Variants in MVB12A observed in about 807,000 individuals in gnomAD.
MVB12A encodes the protein CIN85/CD2AP family binding protein.
In MVB12A, 30 loss-of-function variants were observed where a neutral mutation model predicts 34.3. The ratio of observed to expected loss-of-function variants is 0.88; its 90% confidence interval spans 0.65 to 1.19. MVB12A has a LOEUF of 1.19. Ranked by LOEUF, MVB12A falls within the 50% of genes most tolerant of loss-of-function variation. The pLI is 0.00. For missense variants in MVB12A, 355 were observed against 369.2 expected, an observed-to-expected ratio of 0.96 and a Z score of 0.31; for synonymous variants, 158 against 158.9, an observed-to-expected ratio of 0.99 and a Z score of 0.04.
At chr19:17,415,613 C>T (rs1343074703), upstream of MVB12A, 2 of 152,264 alleles carry the variant, frequency 1.3e-5, no homozygotes, top group Non-Finnish European at 2.9e-5. Context: ...CATTTGAGCT[C>T]CGCTCCCCTT....
At chr19:17,415,087 A>C (rs2074790541), upstream of MVB12A, 2 of 151,564 alleles carry the variant, frequency 1.3e-5, no homozygotes, top group Non-Finnish European at 1.5e-5. Context: ...GGAGGCTGAG[A>C]CAGGAGAATC....
chr19:17,415,247 C>T (rs1329654785), upstream of MVB12A: 2 of 152,204 alleles, frequency 1.3e-5, no homozygotes, highest in South Asian at 2.1e-4. Flanking sequence ...GAAAGCCTGA[C>T]GAACGCCATC....
At chr19:17,421,603 T>C (rs1374866340) in intron 3 of MVB12A, among the ~76,000 whole-genome samples, 1 of 152,166 alleles carries the variant, frequency 6.6e-6, no homozygotes, top group Non-Finnish European at 1.5e-5. Context: ...TTTTTTACAA[T>C]TCCTTAAAAA....
intron 2 of MVB12A, among the ~76,000 whole-genome samples, chr19:17,410,504 A>G (rs377095385): frequency 0.042 from 1,729 of 41,558 alleles, 138 homozygotes; most frequent in African/African-American, 0.11. Flanking sequence ...CTTCATATAT[A>G]TATATATATA....
intron 2 of MVB12A, among the ~76,000 whole-genome samples, chr19:17,410,529 T>TATATATATATATATATATATAC: frequency 2.7e-5 from 2 of 74,444 alleles, no homozygotes; most frequent in Non-Finnish European, 4.9e-5. Context: ...TATATATATA[T>TATATATATATATATATATATAC]ACACACACAC....
chr19:17,407,848 T>G (rs1450944636), intron 2 of MVB12A, among the ~76,000 whole-genome samples: 2 of 152,204 alleles, frequency 1.3e-5, no homozygotes, highest in African/African-American at 2.4e-5. Context: ...AAGTAGTGGG[T>G]GTTGTTCCTT....
chr19:17,421,280 G>GTTCAAGCGA, intron 3 of MVB12A: 1 of 345,358 alleles, frequency 2.9e-6, no homozygotes, highest in East Asian at 8.3e-5. Context: ...CGACTCCCGG[G>GTTCAAGCGA]TTCAAGCGAT....
chr19:17,422,144 A>T, intron 3 of MVB12A, 188 bp from the exon 4 acceptor site: 2 of 490,436 alleles, frequency 4.1e-6, no homozygotes, highest in South Asian at 6.9e-5. Context: ...CGGTTCCTAA[A>T]GGCTGCATGG....
rs1371903182 is a variant in MVB12A, at chr19:17,420,407, T to G, written c.185T>G (p.Leu62Arg). ...YFLCLSSLGS[L>R]ENPQENVVAD... ...CTGTGCCTTAGTTCTCTGGGCAGCC[T>G]AGAGGTAAGAGGTGCCCACCTTCGG... The change falls in exon 2 of 9, where the codon CTA becomes CGA. Residue 62 changes from leucine (L) to arginine (R), a missense_variant. Physicochemically the swap from Leu to Arg is moderately radical, Grantham distance 102. Transcript: ENST00000317040. 33 of 1,613,672 alleles carry G rather than the reference T, an allele frequency of 2.0e-5. No individual in the cohort carries two copies. The highest frequency in any genetic ancestry group is 2.6e-5 in the Non-Finnish European group (31 of 1,179,806).
chr19:17,420,100 G>T lies in MVB12A; in HGVS notation c.-36G>T, dbSNP rs16981816. 28,703 of 1,321,598 alleles carry T rather than the reference G, an allele frequency of 0.022. 356 individuals carry two copies. Among genetic ancestry groups the T allele is most frequent in the African/African-American group, 0.035 (2,248 of 64,528 alleles). The allele number at this position is 1,321,598 out of a possible 1,614,324, so 81.9% of individuals were successfully genotyped here. Reference sequence around the variant, plus strand: ...GAGGCGCTCCGAGGTTCGAGGCTGTGCCCCGCGACCCCGCCTTCGGCGCTC... The same window carrying T: ...GAGGCGCTCCGAGGTTCGAGGCTGTTCCCCGCGACCCCGCCTTCGGCGCTC... On this transcript the variant is annotated 5_prime_UTR_variant, in exon 1 of 9. Coordinates refer to ENST00000317040, the MANE Select transcript of MVB12A (RefSeq NM_138401.4).
At chr19:17,423,937 G>A (rs2074854475) in intron 6 of MVB12A, 69 bp from the exon 7 acceptor site, 22 of 1,586,430 alleles carry the variant, frequency 1.4e-5, no homozygotes, top group Non-Finnish European at 1.9e-5. Flanking sequence ...GGCTGTGCGG[G>A]TTGGGCCTCT....
intron 2 of MVB12A, among the ~76,000 whole-genome samples, chr19:17,410,497 C>CATATATATATATATATATATAT (rs373127253): frequency 1.9e-4 from 15 of 77,602 alleles, no homozygotes; most frequent in Admixed American, 3.1e-4. Context: ...GTTTTAGCTT[C>CATATATATATATATATATATAT]ATATATATAT....
At chr19:17,421,193 T>C in intron 3 of MVB12A, 1 of 397,304 alleles carries the variant, frequency 2.5e-6, no homozygotes, top group Non-Finnish European at 4.9e-6. Flanking sequence ...TTTTTTTTTT[T>C]TTTTTCTTCA....
chr19:17,420,018 C>CCACCCA, upstream of MVB12A: 1 of 360,602 alleles, frequency 2.8e-6, no homozygotes, highest in Non-Finnish European at 4.5e-6. Context: ...AATCTCCGCC[C>CCACCCA]CCCCCCCCCG....
At chr19:17,418,887 C>CAAAAAAAAAAAA (rs55726391), upstream of MVB12A, 26 of 82,126 alleles carry the variant, frequency 3.2e-4, no homozygotes, top group African/African-American at 1.2e-3. Flanking sequence ...ATTGTAAGTC[C>CAAAAAAAAAAAA]AAAAAAAAAA....
chr19:17,422,029 G>A, intron 3 of MVB12A: 1 of 242,112 alleles, frequency 4.1e-6, no homozygotes, highest in African/African-American at 2.2e-5. Flanking sequence ...AGGGCTCATG[G>A]AAAGTAAGTT....
intron 2 of MVB12A, among the ~76,000 whole-genome samples, chr19:17,408,829 C>CCT (rs778229629): frequency 8.3e-6 from 1 of 120,708 alleles, no homozygotes; most frequent in Non-Finnish European, 1.6e-5. Context: ...TCTGCCATTA[C>CCT]TTTTTTTTTT....
At chr19:17,419,840 G>A (rs1490181824), upstream of MVB12A, 1 of 268,944 alleles carries the variant, frequency 3.7e-6, no homozygotes, top group Non-Finnish European at 7.0e-6. Flanking sequence ...TTGGTCCTGT[G>A]CCGTAGCATT....
At chr19:17,419,710 CT>C (rs2074822878), upstream of MVB12A, 1 of 154,026 alleles carries the variant, frequency 6.5e-6, no homozygotes, top group East Asian at 1.9e-4. Flanking sequence ...GCGTCAGCCA[CT>C]GCGCGCGGCC....
Sources: allele counts gnomAD v4.1 joint callset (sites outside exome capture counted in the v4.1 genomes callset), GRCh38; gene constraint gnomAD v4.1.1; transcripts MANE v1.5; gene names NCBI Gene and HGNC (gene_info 2026-07-23, HGNC 2026-07-21).